Variants in SLC1A1 observed in about 807,000 individuals in gnomAD.
The protein encoded by SLC1A1 is excitatory amino acid transporter 3.
A neutral mutation model predicts 53.3 loss-of-function variants in SLC1A1; 43 were observed. That is an observed-to-expected ratio of 0.81 (90% CI 0.63 to 1.04). The LOEUF (loss-of-function observed/expected upper bound fraction) is 1.04, where lower values mean the gene tolerates loss of function less well. Among genes scored for constraint, SLC1A1 ranks in the 50% least tolerant of loss-of-function variants. SLC1A1 has a pLI of 0.00. For synonymous variants in SLC1A1, 307 were observed against 243.2 expected (o/e 1.26, Z -2.44); for missense variants, 748 against 664.9 (o/e 1.12, Z -1.37).
At chr9:4,517,786 G>A (rs1275716714) in intron 1 of SLC1A1, among the ~76,000 whole-genome samples, 1 of 152,174 alleles carries the variant, frequency 6.6e-6, no homozygotes, top group Non-Finnish European at 1.5e-5. Flanking sequence ...TCACTTTCAT[G>A]TGATGGGGCT....
chr9:4,553,733 G>T (rs1196643580), intron 2 of SLC1A1: 1 of 152,210 alleles, frequency 6.6e-6, no homozygotes, highest in Non-Finnish European at 1.5e-5. Flanking sequence ...GCTTCAAGGG[G>T]ACCTTTAGCT....
At chr9:4,535,362 C>T (rs1179215058) in intron 1 of SLC1A1, among the ~76,000 whole-genome samples, 1 of 152,144 alleles carries the variant, frequency 6.6e-6, no homozygotes, top group Non-Finnish European at 1.5e-5. Flanking sequence ...AGCAAAGTCT[C>T]AGGATACAAA....
At chr9:4,512,693 A>G (rs1199684155) in intron 1 of SLC1A1, among the ~76,000 whole-genome samples, 1 of 152,220 alleles carries the variant, frequency 6.6e-6, no homozygotes, top group East Asian at 1.9e-4. Context: ...CTTTTGCACC[A>G]ACCTAATAGA....
intron 8 of SLC1A1, among the ~76,000 whole-genome samples, chr9:4,574,524 G>C (rs1564059762): frequency 6.6e-6 from 1 of 152,206 alleles, no homozygotes; most frequent in East Asian, 1.9e-4. Flanking sequence ...TGTCAGAGAG[G>C]GTGCCAGGAG....
At chr9:4,499,080 T>C (rs184186665) in intron 1 of SLC1A1, among the ~76,000 whole-genome samples, 10 of 147,614 alleles carry the variant, frequency 6.8e-5, no homozygotes, top group African/African-American at 2.5e-4. Context: ...AGTCTCACTC[T>C]GTCACCTAGG....
intron 1 of SLC1A1, among the ~76,000 whole-genome samples, chr9:4,540,235 T>C (rs1055686236): frequency 6.6e-6 from 1 of 152,042 alleles, no homozygotes; most frequent in African/African-American, 2.4e-5. Flanking sequence ...GGGAAGATTA[T>C]CCCGCTCCAT....
intron 1 of SLC1A1, among the ~76,000 whole-genome samples, chr9:4,532,002 G>A (rs7019270): frequency 0.018 from 2,710 of 152,230 alleles, 83 homozygotes; most frequent in African/African-American, 0.062. Flanking sequence ...GGTCCTGACC[G>A]TTAGAAGGAA....
At chr9:4,493,599 G>C (rs1820312919) in intron 1 of SLC1A1, among the ~76,000 whole-genome samples, 1 of 152,184 alleles carries the variant, frequency 6.6e-6, no homozygotes, top group African/African-American at 2.4e-5. Context: ...TCTGATTATA[G>C]CCGTTCAAAT....
intron 10 of SLC1A1, among the ~76,000 whole-genome samples, chr9:4,581,588 A>G (rs1171438762): frequency 1.3e-5 from 2 of 152,202 alleles, no homozygotes; most frequent in East Asian, 3.8e-4. Context: ...CATGGACACA[A>G]ATCACTTCTG....
chr9:4,535,238 G>A (rs149655734), intron 1 of SLC1A1, among the ~76,000 whole-genome samples: 1 of 151,980 alleles, frequency 6.6e-6, no homozygotes, highest in African/African-American at 2.4e-5. Context: ...AAATAAAGGG[G>A]ATTCAATTAG....
intron 1 of SLC1A1, among the ~76,000 whole-genome samples, chr9:4,521,490 G>A (rs1352552178): frequency 6.6e-6 from 1 of 152,144 alleles, no homozygotes; most frequent in Non-Finnish European, 1.5e-5. Flanking sequence ...AAGCTTGTGG[G>A]TTTATCACAT....
chr9:4,503,798 T>G (rs1167392130), intron 1 of SLC1A1, among the ~76,000 whole-genome samples: 1 of 151,912 alleles, frequency 6.6e-6, no homozygotes, highest in Non-Finnish European at 1.5e-5. Context: ...TTGTACTTAC[T>G]TCACAGGAGG....
rs186015952 is a variant in SLC1A1 at position 4,504,446 on chromosome 9, G to A, written c.91+13676G>A. On this transcript the variant is annotated intron_variant, in intron 1 of 11. Coordinates refer to ENST00000262352, the MANE Select transcript of SLC1A1 (RefSeq NM_004170.6). Reference sequence around the variant, plus strand: ...TCCAGGAGACTTTGAACAACTGCGTGGGTAAACACTAGATGTGGTCACCAA... The same window carrying A: ...TCCAGGAGACTTTGAACAACTGCGTAGGTAAACACTAGATGTGGTCACCAA... Among the ~76,000 whole-genome samples, 437 of 152,308 alleles carry A rather than the reference G, an allele frequency of 2.9e-3. 2 individuals are homozygous for A. The highest frequency in any genetic ancestry group is 0.01 in the African/African-American group (427 of 41,560).
intron 1 of SLC1A1, among the ~76,000 whole-genome samples, chr9:4,527,410 T>C (rs1816301497): frequency 6.6e-6 from 1 of 152,206 alleles, no homozygotes; most frequent in African/African-American, 2.4e-5. Flanking sequence ...ACTAATGCAG[T>C]AGCTCTATCT....
intron 1 of SLC1A1, among the ~76,000 whole-genome samples, chr9:4,534,595 A>G (rs1348570164): frequency 1.3e-5 from 2 of 152,112 alleles, no homozygotes; most frequent in African/African-American, 2.4e-5. Context: ...AAAAAAGTCC[A>G]GGACCAGATG....
intron 1 of SLC1A1, among the ~76,000 whole-genome samples, chr9:4,536,001 C>A (rs1297082211): frequency 6.6e-6 from 1 of 152,138 alleles, no homozygotes; most frequent in Non-Finnish European, 1.5e-5. Context: ...ATGTAGAAAG[C>A]TGAAACTGGA....
chr9:4,528,213 C>T (rs1435055653), intron 1 of SLC1A1, among the ~76,000 whole-genome samples: 2 of 152,250 alleles, frequency 1.3e-5, no homozygotes, highest in Admixed American at 1.3e-4. Flanking sequence ...GCCCACCTCC[C>T]CTTCTCACAA....
rs762081175 is a variant in SLC1A1, at chr9:4,585,363, C to T, written c.1380C>T (p.Gly460=). The T allele has an allele frequency of 5.6e-6, 9 of 1,614,080 alleles. No individual in the cohort carries two copies. Among genetic ancestry groups the T allele is most frequent in the Middle Eastern group, 1.6e-4 (1 of 6,072 alleles). ...VNVLGDAFGT[G]IVEKLSKKEL... ...TCCTTGGTGATGCTTTTGGGACGGGCATTGTGGAAAAGCTCTCCAAGAAGG... is the reference window on the plus strand; with the variant it reads ...TCCTTGGTGATGCTTTTGGGACGGGTATTGTGGAAAAGCTCTCCAAGAAGG... The change falls in exon 12 of 12, where the codon GGC becomes GGT. Residue 460 remains glycine (G), a synonymous_variant. Transcript: ENST00000262352.
chr9:4,539,670 C>G (rs899841183), intron 1 of SLC1A1, among the ~76,000 whole-genome samples: 6 of 152,116 alleles, frequency 3.9e-5, no homozygotes, highest in Admixed American at 3.9e-4. Flanking sequence ...CTCCCAGGTT[C>G]AAGCGATTCT....
Sources: allele counts gnomAD v4.1 joint callset (sites outside exome capture counted in the v4.1 genomes callset), GRCh38; gene constraint gnomAD v4.1.1; transcripts MANE v1.5; gene names NCBI Gene and HGNC (gene_info 2026-07-23, HGNC 2026-07-21).